Variants in NKD1 observed in about 807,000 individuals in gnomAD.
The protein encoded by NKD1 is NKD inhibitor of Wnt signaling pathway 1.
A neutral mutation model predicts 56.0 loss-of-function variants in NKD1; 21 were observed. That is an observed-to-expected ratio of 0.38 (90% CI 0.27 to 0.54). NKD1 has a LOEUF of 0.54. NKD1 is among the 20% of genes least tolerant of loss of function. The probability of loss-of-function intolerance (pLI) is 0.82; values close to 1 mark genes in which losing one functional copy is unlikely to be tolerated. For synonymous variants in NKD1, 263 were observed against 265.7 expected (o/e 0.99, Z 0.10); for missense variants, 578 against 642.7 (o/e 0.90, Z 1.09).
At chr16:50,555,368 T>A (rs1960478045) in intron 3 of NKD1, 1 of 152,402 alleles carries the variant, frequency 6.6e-6, no homozygotes, top group Non-Finnish European at 1.5e-5. Context: ...TACCTGTCTG[T>A]CCCCCTGGAC....
intron 3 of NKD1, chr16:50,607,241 C>T (rs1364684474): frequency 5.8e-6 from 2 of 346,790 alleles, no homozygotes; most frequent in African/African-American, 2.1e-5. Context: ...AAGAGGCTTA[C>T]CTCCAGCTGT....
intron 3 of NKD1, among the ~76,000 whole-genome samples, chr16:50,600,811 C>T (rs1961579893): frequency 6.6e-6 from 1 of 152,122 alleles, no homozygotes; most frequent in Non-Finnish European, 1.5e-5. Context: ...CAGAGTCAGG[C>T]CCAGGGTCTG....
chr16:50,646,222 A>C lies in NKD1; in HGVS notation c.*12441A>C, dbSNP rs964950608. 2.0e-5 allele frequency: 3 copies of C among 152,094 alleles called. No individual in the cohort carries two copies. Among genetic ancestry groups the C allele is most frequent in the Admixed American group, 6.5e-5 (1 of 15,280 alleles). 9.4% of individuals were successfully genotyped at this position (152,094 alleles called of 1,614,324 possible). On this transcript the variant is annotated 3_prime_UTR_variant, in exon 10 of 10. Transcript: ENST00000268459. ...GTACATCTGTTTCAGGGAATTTATA[A>C]GCTTTGAACATTTTTTATGGGCAGA...
At chr16:50,568,901 C>T (rs900459131) in intron 3 of NKD1, among the ~76,000 whole-genome samples, 2 of 152,146 alleles carry the variant, frequency 1.3e-5, no homozygotes, top group African/African-American at 4.8e-5. Context: ...CTGGAGCAGC[C>T]GTGTGCCTGA....
chr16:50,642,032 T>G lies in NKD1; in HGVS notation c.*8251T>G, dbSNP rs2151283634. On this transcript the variant is annotated 3_prime_UTR_variant, in exon 10 of 10. Transcript: ENST00000268459. ...TTGCTTTTCTGTAAAGTGGACCTAA[T>G]GAGGCCCGCTTGGCTTCAGCTCCAG... 6.6e-6 allele frequency: 1 copy of G among 152,344 alleles called. No individual in the cohort carries two copies. 9.4% of individuals were successfully genotyped at this position (152,344 alleles called of 1,614,324 possible). A position where few individuals can be genotyped will look rare whatever the true frequency, so the allele number is the denominator to read the frequency against.
intron 3 of NKD1, among the ~76,000 whole-genome samples, chr16:50,578,790 C>T (rs1366244025): frequency 2.0e-5 from 3 of 152,128 alleles, no homozygotes; most frequent in African/African-American, 7.2e-5. Flanking sequence ...AGACCACTGG[C>T]TATGTCTCGG....
chr16:50,594,997 C>A (rs1430134166), intron 3 of NKD1, among the ~76,000 whole-genome samples: 1 of 152,342 alleles, frequency 6.6e-6, no homozygotes, highest in East Asian at 1.9e-4. Context: ...CATGCCTGGA[C>A]CCACTACGTT....
At chr16:50,600,037 C>T (rs1961559528) in intron 3 of NKD1, among the ~76,000 whole-genome samples, 1 of 151,984 alleles carries the variant, frequency 6.6e-6, no homozygotes, top group Non-Finnish European at 1.5e-5. Flanking sequence ...TGGTGTCTCT[C>T]CCCCACCCAC....
intron 3 of NKD1, chr16:50,566,287 A>G: frequency 2.0e-6 from 1 of 512,230 alleles, no homozygotes; most frequent in African/African-American, 2.1e-5. Context: ...GTCCCAGGAC[A>G]GCAATCTGTG....
At position 50,634,052 on chromosome 16, in the gene NKD1, G is replaced by GGGATCTGCAGCATCTATGT; in HGVS notation, c.*277_*295dup. The GGGATCTGCAGCATCTATGT allele has an allele frequency of 3.1e-6, 1 of 318,504 alleles. No homozygotes were observed. The highest frequency in any genetic ancestry group is 5.7e-6 in the Non-Finnish European group (1 of 176,494). The allele number at this position is 318,504 out of a possible 1,614,324, so 19.7% of individuals were successfully genotyped here. ...ATGGGCAGAGGCTCCCTCGGGGCTC[G>GGGATCTGCAGCATCTATGT]GGATCTGCAGCATCTATGTGGATCA... On this transcript the variant is annotated 3_prime_UTR_variant, in exon 10 of 10. Coordinates refer to ENST00000268459, the MANE Select transcript of NKD1 (RefSeq NM_033119.5).
rs1268524157 is a variant in NKD1, at chr16:50,623,848, A to G, written c.367-1637A>G. 1.4e-5 allele frequency among the ~76,000 whole-genome samples: 2 copies of G among 147,104 alleles called. No individual in the cohort carries two copies. Among genetic ancestry groups the G allele is most frequent in the African/African-American group, 5.1e-5 (2 of 39,360 alleles). ...TGTGTGTAGGTACGTGTGTAGGGGT[A>G]TGCGTGTGTGTGTGTGTGTAGGGGT... On this transcript the variant is annotated intron_variant, in intron 5 of 9. Coordinates refer to ENST00000268459, the MANE Select transcript of NKD1 (RefSeq NM_033119.5). The surrounding 1 kb of genome is among the most constrained non-coding windows in gnomAD (Gnocchi z 4.1).
rs543414975 is a variant in NKD1, at chr16:50,577,894, G to A, written c.192+28339G>A. Among the ~76,000 whole-genome samples, 10 of 152,320 alleles carry A rather than the reference G, an allele frequency of 6.6e-5. No homozygotes were observed. In the South Asian group the frequency reaches 2.1e-3, roughly 32 times the overall value. On this transcript the variant is annotated intron_variant, in intron 3 of 9. Transcript: ENST00000268459. Reference sequence around the variant, plus strand: ...AGGTGGTGACTGATCTGATTTAGCAGATAGATTTTTTCCTGTATTGCTTTT... The same window carrying A: ...AGGTGGTGACTGATCTGATTTAGCAAATAGATTTTTTCCTGTATTGCTTTT...
intron 3 of NKD1, chr16:50,557,610 T>A (rs1465724828): frequency 6.6e-6 from 1 of 152,256 alleles, no homozygotes; most frequent in Non-Finnish European, 1.5e-5. Flanking sequence ...AATGCATCAT[T>A]CTTTGCTAAT....
intron 5 of NKD1, among the ~76,000 whole-genome samples, chr16:50,624,845 G>A (rs895097471): frequency 7.2e-5 from 11 of 152,368 alleles, no homozygotes; most frequent in Middle Eastern, 3.4e-3. Flanking sequence ...ACAGAAAAGT[G>A]TACATGAGGT....
Position 50,598,552 on chromosome 16 carries a change from C to A in NKD1, c.193-9742C>A. 6.6e-6 allele frequency among the ~76,000 whole-genome samples: 1 copy of A among 152,278 alleles called. No homozygotes were observed. Among genetic ancestry groups the A allele is most frequent in the Middle Eastern group, 3.4e-3 (1 of 294 alleles). On this transcript the variant is annotated intron_variant, in intron 3 of 9. Transcript: ENST00000268459. The surrounding 1 kb of genome is among the most constrained non-coding windows in gnomAD (Gnocchi z 4.2). ...GCTGCCTGTCATAAGCAGCCTGGCT[C>A]AGGGCCACCCTGTCGGCAGGTCACA...
rs780677256 is a variant in NKD1 at position 50,633,619 on chromosome 16, G to A, written c.1251G>A (p.Gln417=). 6.2e-6 allele frequency: 10 copies of A among 1,609,784 alleles called. No individual in the cohort carries two copies. Among genetic ancestry groups the A allele is most frequent in the Non-Finnish European group, 5.9e-6 (7 of 1,178,826 alleles). Residue 417 remains glutamine, a synonymous_variant, in exon 10 of 10, where the codon CAG becomes CAA. Coordinates refer to ENST00000268459, the MANE Select transcript of NKD1 (RefSeq NM_033119.5). This position sits in a 1 kb window ranked among gnomAD's most constrained non-coding sequence, Gnocchi z 4.9. Reference sequence around the variant, plus strand: ...GCCAGCAGGGCTGCCGGGGCCTGCAGGCACCACTGGCCTCAGGTGGCCCTG... The same window carrying A: ...GCCAGCAGGGCTGCCGGGGCCTGCAAGCACCACTGGCCTCAGGTGGCCCTG... ...KESQQGCRGL[Q]APLASGGPVL...
chr16:50,613,283 CAG>C (rs968783908), intron 4 of NKD1, among the ~76,000 whole-genome samples: 5 of 151,870 alleles, frequency 3.3e-5, no homozygotes, highest in African/African-American at 4.8e-5. Context: ...GGGCAAGAAA[CAG>C]AGAGAGAGAG....
At chr16:50,564,895 C>T (rs939899184) in intron 3 of NKD1, among the ~76,000 whole-genome samples, 1 of 152,194 alleles carries the variant, frequency 6.6e-6, no homozygotes, top group Non-Finnish European at 1.5e-5. Context: ...CCGCCCACCT[C>T]CACCTCCCAG....
rs182304591 is a variant in NKD1 at position 50,584,808 on chromosome 16, C to T, written c.193-23486C>T. Among the ~76,000 whole-genome samples, 239 of 152,326 alleles carry T rather than the reference C, an allele frequency of 1.6e-3. 7 individuals carry two copies. Among genetic ancestry groups the T allele is most frequent in the Admixed American group, 0.015 (237 of 15,292 alleles). On this transcript the variant is annotated intron_variant, in intron 3 of 9. Coordinates refer to ENST00000268459, the MANE Select transcript of NKD1 (RefSeq NM_033119.5). Reference sequence around the variant, plus strand: ...GGGTCTCTTTCATTTAGGATGTCACCTGCTGAGCCCTTTATGAGTGTGGAC... The same window carrying T: ...GGGTCTCTTTCATTTAGGATGTCACTTGCTGAGCCCTTTATGAGTGTGGAC...
Sources: gnomAD v4.1 joint callset for allele counts (sites outside exome capture counted in the v4.1 genomes callset) on GRCh38, gnomAD v4.1.1 for gene constraint, Gnocchi (gnomAD v3.1) non-coding constraint, MANE v1.5 for transcripts, NCBI Gene and HGNC (gene_info 2026-07-23, HGNC 2026-07-21) for gene names.